The following SV2C variants were observed in gnomAD, a reference collection of about 807,000 sequenced individuals.
SV2C encodes the protein solute carrier family 22 member B3.
SV2C carries 49 observed loss-of-function variants against 79.7 expected under a neutral mutation model. The observed-to-expected ratio is 0.61, with a 90% confidence interval of 0.49 to 0.78. SV2C has a LOEUF of 0.78. Ranked by LOEUF, SV2C falls within the 30% of genes least tolerant of loss-of-function variation. The pLI is 0.00. For missense variants in SV2C, 833 were observed against 912.9 expected, an observed-to-expected ratio of 0.91 and a Z score of 1.13; for synonymous variants, 334 against 333.2, an observed-to-expected ratio of 1.00 and a Z score of -0.03.
the SV2C span, among the ~76,000 whole-genome samples, chr5:76,061,678 T>C: frequency 1.1e-3 from 160 of 152,206 alleles, no homozygotes; most frequent in Non-Finnish European, 1.8e-3. Flanking sequence ...ATTTTGGCGA[T>C]AGAGAATCAA....
chr5:76,214,723 C>T (rs1744866169), intron 4 of SV2C, among the ~76,000 whole-genome samples: 1 of 152,184 alleles, frequency 6.6e-6, no homozygotes, highest in Non-Finnish European at 1.5e-5. Flanking sequence ...TAGTTTTCAA[C>T]ATACAAATCT....
At chr5:76,133,660 G>A (rs1327387538) in intron 2 of SV2C, among the ~76,000 whole-genome samples, 3 of 152,176 alleles carry the variant, frequency 2.0e-5, no homozygotes, top group Non-Finnish European at 4.4e-5. Context: ...ATATTTTGCT[G>A]GTACACTCAT....
At chr5:75,910,721 A>G in the SV2C span, 2 of 1,363,058 alleles carry the variant, frequency 1.5e-6, no homozygotes. Flanking sequence ...AGCCCAGACT[A>G]TGTTTGAAGA....
chr5:76,237,015 A>T (rs892078202), intron 4 of SV2C, among the ~76,000 whole-genome samples: 10 of 152,184 alleles, frequency 6.6e-5, no homozygotes, highest in African/African-American at 2.4e-4. Context: ...ATGCCCTGTG[A>T]AGAAGGTGCC....
At chr5:75,891,060 A>G in the SV2C span, among the ~76,000 whole-genome samples, 2 of 152,234 alleles carry the variant, frequency 1.3e-5, no homozygotes, top group South Asian at 2.1e-4. Context: ...TAACCACACC[A>G]TGTAGTTGAC....
chr5:75,921,029 A>G, the SV2C span: 1 of 722,250 alleles, frequency 1.4e-6, no homozygotes, highest in Non-Finnish European at 2.5e-6. Context: ...ATCCCTAATC[A>G]CCACCCACCT....
At chr5:76,073,544 T>TATATATATAAATAC in the SV2C span, among the ~76,000 whole-genome samples, 63 of 121,020 alleles carry the variant, frequency 5.2e-4, 1 homozygote, top group African/African-American at 1.6e-3. Flanking sequence ...TATATATATA[T>TATATATATAAATAC]ACACCATGGA....
the SV2C span, among the ~76,000 whole-genome samples, chr5:75,935,587 T>C: frequency 1.9e-4 from 29 of 152,310 alleles, no homozygotes; most frequent in African/African-American, 5.5e-4. Context: ...CTATAGATAC[T>C]ATAGAGCTGT....
chr5:76,187,789 T>C (rs1407478543), intron 2 of SV2C, among the ~76,000 whole-genome samples: 1 of 152,076 alleles, frequency 6.6e-6, no homozygotes, highest in Admixed American at 6.5e-5. Flanking sequence ...TTTAGAAAAT[T>C]ACTCTTTCAG....
chr5:76,176,678 A>G (rs999347833), intron 2 of SV2C, among the ~76,000 whole-genome samples: 1 of 152,244 alleles, frequency 6.6e-6, no homozygotes, highest in Non-Finnish European at 1.5e-5. Flanking sequence ...CCAAGAGGGA[A>G]AACTTTCTAA....
intron 4 of SV2C, among the ~76,000 whole-genome samples, chr5:76,226,407 C>A (rs1745245800): frequency 6.6e-6 from 1 of 152,104 alleles, no homozygotes; most frequent in Non-Finnish European, 1.5e-5. Context: ...CAGATTCCAG[C>A]CATACAGATA....
intron 4 of SV2C, among the ~76,000 whole-genome samples, chr5:76,268,786 G>T (rs1307477234): frequency 2.0e-5 from 3 of 151,966 alleles, no homozygotes; most frequent in Admixed American, 2.0e-4. Flanking sequence ...ACCTTTACTT[G>T]TCAACTTCAG....
chr5:76,108,960 A>T lies in SV2C; in HGVS notation c.-101-22690A>T, dbSNP rs569679829. On this transcript the variant is annotated intron_variant, in intron 1 of 12. Transcript: ENST00000502798. ...TGTGAATAGCCCAAGGTCCCCAGCC[A>T]ATATCTGGCCAACGAGAGATGTGAG... is the stretch of plus-strand genomic sequence containing the variant. 3.3e-5 allele frequency among the ~76,000 whole-genome samples: 5 copies of T among 152,338 alleles called. No individual in the cohort carries two copies. The South Asian group carries it at 1.0e-3, about 32-fold the overall frequency.
At chr5:75,924,642 A>G in the SV2C span, among the ~76,000 whole-genome samples, 4,689 of 152,230 alleles carry the variant, frequency 0.031, 128 homozygotes, top group Non-Finnish European at 0.049. Flanking sequence ...CCCTTAATAT[A>G]TGACAAAGTG....
At chr5:75,941,296 A>C in the SV2C span, among the ~76,000 whole-genome samples, 1 of 152,244 alleles carries the variant, frequency 6.6e-6, no homozygotes, top group Non-Finnish European at 1.5e-5. Flanking sequence ...TCATGGTTTA[A>C]GATAGAATTC....
At chr5:76,197,929 GC>G (rs1382697054) in intron 3 of SV2C, among the ~76,000 whole-genome samples, 2 of 152,170 alleles carry the variant, frequency 1.3e-5, no homozygotes, top group African/African-American at 2.4e-5. Flanking sequence ...TCAGGGTGCT[GC>G]TAGTGCAAGT....
chr5:76,243,928 A>G (rs576745403), intron 4 of SV2C, among the ~76,000 whole-genome samples: 12 of 152,268 alleles, frequency 7.9e-5, no homozygotes, highest in African/African-American at 1.9e-4. Flanking sequence ...GCATTTGCAC[A>G]TGTAGTCCCC....
At chr5:75,966,914 T>G in the SV2C span, among the ~76,000 whole-genome samples, 676 of 152,290 alleles carry the variant, frequency 4.4e-3, 8 homozygotes, top group African/African-American at 0.015. Flanking sequence ...GCTCTGGTAC[T>G]TACTAATCAC....
chr5:75,883,356 A>T, the SV2C span, among the ~76,000 whole-genome samples: 1 of 145,182 alleles, frequency 6.9e-6, no homozygotes, highest in Non-Finnish European at 1.5e-5. Flanking sequence ...TACCCAAAGG[A>T]CTATAAATCA....
Sources: allele counts gnomAD v4.1 joint callset (sites outside exome capture counted in the v4.1 genomes callset), GRCh38; gene constraint gnomAD v4.1.1; transcripts MANE v1.5; gene names NCBI Gene and HGNC (gene_info 2026-07-23, HGNC 2026-07-21).